Variants in ZNF276 observed in about 807,000 individuals in gnomAD.
ZNF276 encodes zinc finger protein 276.
In ZNF276, 59 loss-of-function variants were observed where a neutral mutation model predicts 63.9. The ratio of observed to expected loss-of-function variants is 0.92; its 90% CI spans 0.75 to 1.15. The LOEUF (loss-of-function observed/expected upper bound fraction) is 1.15, where lower values mean the gene tolerates loss of function less well. ZNF276 is among the 50% of genes most tolerant of loss of function. The pLI is 0.00. For missense variants in ZNF276, 1,084 were observed against 843.8 expected (o/e 1.28, Z -3.53); for synonymous variants, 496 against 348.4 (o/e 1.42, Z -4.72).
At position 89,723,120 on chromosome 16, in the gene ZNF276, A is replaced by G. The variant is rs754033973; in HGVS notation, c.510-17A>G. 6 of 1,613,202 alleles carry G rather than the reference A, an allele frequency of 3.7e-6. No homozygotes were observed. The highest frequency in any genetic ancestry group is 5.1e-6 in the Non-Finnish European group (6 of 1,180,032). ...CCGCCTGCTTGTCCTGCTCATGGCCACACTGATCCTTTGCAGGGTCGGTGC... is the reference window on the plus strand; with the variant it reads ...CCGCCTGCTTGTCCTGCTCATGGCCGCACTGATCCTTTGCAGGGTCGGTGC... On this transcript the variant is annotated splice_polypyrimidine_tract_variant and intron_variant, in intron 2 of 10. Coordinates refer to ENST00000443381, the MANE Select transcript of ZNF276 (RefSeq NM_001113525.2).
chr16:89,740,388 C>G lies in ZNF276; in HGVS notation c.*2142C>G. 2.0e-6 allele frequency: 1 copy of G among 498,196 alleles called. No homozygotes were observed. The highest frequency in any genetic ancestry group is 3.6e-6 in the Non-Finnish European group (1 of 274,924). 30.9% of individuals were successfully genotyped at this position (498,196 alleles called of 1,614,324 possible). On this transcript the variant is annotated 3_prime_UTR_variant, in exon 11 of 11. Transcript: ENST00000443381. ...GATGCAGTGGCTCATGCCTGTAATCCCAACACTTTGGGAGGCCGAGGTCGG... is the reference window on the plus strand; with the variant it reads ...GATGCAGTGGCTCATGCCTGTAATCGCAACACTTTGGGAGGCCGAGGTCGG...
At position 89,733,285 on chromosome 16, in the gene ZNF276, G is replaced by T; in HGVS notation, c.1170-17G>T. ...GGAGATCAGAAACCATTGAATTTGG[G>T]AACCTCTTTTTTTCAGAGTCTCTGG... On this transcript the variant is annotated splice_polypyrimidine_tract_variant and intron_variant, in intron 6 of 10. Coordinates refer to ENST00000443381, the MANE Select transcript of ZNF276 (RefSeq NM_001113525.2). The T allele has an allele frequency of 1.2e-6, 2 of 1,605,122 alleles. No individual in the cohort carries two copies. Among genetic ancestry groups the T allele is most frequent in the Non-Finnish European group, 1.7e-6 (2 of 1,174,848 alleles).
Position 89,722,574 on chromosome 16 carries a change from C to G in ZNF276, c.249C>G (p.His83Gln), listed in dbSNP as rs545314621. ...ALAMGHCRLC[H>Q]GKFSSRSLRS... ...CCATGGGTCACTGTCGCCTCTGCCA[C>G]GGGAAGTTTTCCTCGAGAAGCCTGC... Residue 83 changes from histidine to glutamine, a missense_variant, in exon 2 of 11, where the codon CAC becomes CAG. By Grantham distance (24) the His-to-Gln change is conservative. Transcript: ENST00000443381. 2 of 1,612,408 alleles carry G rather than the reference C, an allele frequency of 1.2e-6. No homozygotes were observed. The highest frequency in any genetic ancestry group is 1.7e-6 in the Non-Finnish European group (2 of 1,179,974).
In ZNF276 at chr16:89,727,430, A is replaced by C. The variant is rs1351114463; in HGVS notation, c.1085+73A>C. On this transcript the variant is annotated intron_variant, in intron 5 of 10. Coordinates refer to ENST00000443381, the MANE Select transcript of ZNF276 (RefSeq NM_001113525.2). ...CCATCAGTGACCTTTCTGAGGGGTG[A>C]GAGAAGAGTGGGTTTAAACAGCCTA... is the stretch of plus-strand genomic sequence containing the variant. 4.6e-6 allele frequency: 7 copies of C among 1,536,380 alleles called. 1 individual carries two copies. Among genetic ancestry groups the C allele is most frequent in the Non-Finnish European group, 6.2e-6 (7 of 1,120,934 alleles).
intron 4 of ZNF276, among the ~76,000 whole-genome samples, chr16:89,724,936 C>T (rs962961024): frequency 7.2e-5 from 11 of 152,276 alleles, no homozygotes; most frequent in South Asian, 2.1e-4. Context: ...ACCTACTTAT[C>T]TATCTATCTA....
Position 89,733,908 on chromosome 16 carries a change from G to A in ZNF276, c.1357-13G>A, listed in dbSNP as rs1174762599. On this transcript the variant is annotated splice_polypyrimidine_tract_variant and intron_variant, in intron 8 of 10. Coordinates refer to ENST00000443381, the MANE Select transcript of ZNF276 (RefSeq NM_001113525.2). ...TGCGGCTCTGAGGGTCTCTCACCGA[G>A]TCTCTCCTTCAGAAGCACATCAAGG... 3 of 1,612,846 alleles carry A rather than the reference G, an allele frequency of 1.9e-6. No individual in the cohort carries two copies. Among genetic ancestry groups the A allele is most frequent in the Non-Finnish European group, 2.5e-6 (3 of 1,179,394 alleles).
intron 8 of ZNF276, 23 bp from the exon 9 acceptor site, chr16:89,733,898 C>G: frequency 6.2e-7 from 1 of 1,610,356 alleles, no homozygotes; most frequent in Non-Finnish European, 8.5e-7. Flanking sequence ...CTCTGAGGGT[C>G]TCTCACCGAG....
At chr16:89,730,686 G>T (rs1049453659) in intron 6 of ZNF276, among the ~76,000 whole-genome samples, 1 of 152,196 alleles carries the variant, frequency 6.6e-6, no homozygotes, top group Non-Finnish European at 1.5e-5. Context: ...AGGCAGGACT[G>T]GGTGGTAGCA....
At chr16:89,727,507 G>A (rs956094836) in intron 5 of ZNF276, 150 bp downstream of exon 5, 9 of 870,002 alleles carry the variant, frequency 1.0e-5, no homozygotes, top group African/African-American at 8.4e-5. Context: ...CTGCCCATGC[G>A]CTGGTACCAA....
At chr16:89,722,443 G>T (rs534644180) in intron 1 of ZNF276, 88 bp from the exon 2 acceptor site, 1 of 1,441,426 alleles carries the variant, frequency 6.9e-7, no homozygotes, top group South Asian at 1.4e-5. Context: ...GGGCGCTGCA[G>T]GCGCTGCCCT....
intron 6 of ZNF276, among the ~76,000 whole-genome samples, chr16:89,730,812 C>T (rs1404667132): frequency 6.6e-6 from 1 of 152,202 alleles, no homozygotes; most frequent in South Asian, 2.1e-4. Context: ...CGTGTGCTGC[C>T]TCCCAGTCTT....
chr16:89,733,200 C>A, intron 6 of ZNF276, 102 bp from the exon 7 acceptor site: 2 of 1,119,770 alleles, frequency 1.8e-6, no homozygotes, highest in South Asian at 2.8e-5. Context: ...AGAAGCAACT[C>A]AGGGAAGCTT....
chr16:89,727,183 C>T, intron 4 of ZNF276, 96 bp from the exon 5 acceptor site: 1 of 1,290,922 alleles, frequency 7.7e-7, no homozygotes. Flanking sequence ...ACCCCAGTCT[C>T]CCTTCTAGTC....
At position 89,729,366 on chromosome 16, in the gene ZNF276, A is replaced by T. The variant is rs769095411; in HGVS notation, c.1169+48A>T. 1.9e-6 allele frequency: 3 copies of T among 1,541,908 alleles called. No individual in the cohort carries two copies. The East Asian group carries it at 6.7e-5, about 35-fold the overall frequency. ...GCTGGAGGCATCCGTTGGGCGACCT[A>T]GACACCCGCCTGTGCTCCAGGGCCT... On this transcript the variant is annotated intron_variant, in intron 6 of 10. Transcript: ENST00000443381.
chr16:89,735,895 G>GTCT (rs1555531345), intron 9 of ZNF276, among the ~76,000 whole-genome samples: 2 of 142,888 alleles, frequency 1.4e-5, no homozygotes, highest in East Asian at 4.2e-4. Flanking sequence ...TTTTTTGTTT[G>GTCT]TTTGTTTGTT....
chr16:89,740,636 C>CAAAA lies in ZNF276; in HGVS notation c.*2405_*2408dup, dbSNP rs371709074. ...GGGTGACAGAGTGAGACCCCCATCTCAAAAAAAAAAAAAAAAAACCCACGG... is the reference window on the plus strand; with the variant it reads ...GGGTGACAGAGTGAGACCCCCATCTCAAAAAAAAAAAAAAAAAAAAAACCCACGG... On this transcript the variant is annotated 3_prime_UTR_variant, in exon 11 of 11. Coordinates refer to ENST00000443381, the MANE Select transcript of ZNF276 (RefSeq NM_001113525.2). 4.0e-3 allele frequency: 1,817 copies of CAAAA among 458,692 alleles called. No individual in the cohort carries two copies. Among genetic ancestry groups the CAAAA allele is most frequent in the East Asian group, 0.01 (287 of 27,382 alleles). 28.4% of individuals were successfully genotyped at this position (458,692 alleles called of 1,614,324 possible).
chr16:89,727,165 G>C, intron 4 of ZNF276, 114 bp from the exon 5 acceptor site: 2 of 1,109,934 alleles, frequency 1.8e-6, no homozygotes, highest in Non-Finnish European at 1.4e-6. Context: ...AGAACTTGAG[G>C]GTCAGGGACC....
Position 89,722,839 on chromosome 16 carries a change from G to C in ZNF276, c.509+5G>C. 1.2e-6 allele frequency: 2 copies of C among 1,600,078 alleles called. No homozygotes were observed. The highest frequency in any genetic ancestry group is 1.7e-6 in the Non-Finnish European group (2 of 1,179,278). On this transcript the variant is annotated splice_donor_5th_base_variant and intron_variant, in intron 2 of 10. Transcript: ENST00000443381. ...TCGCCGGAAGCCTTGTGCAAAGTAC[G>C]CCCTAGTCTGTTCAGAGCACGTTCA... is the stretch of plus-strand genomic sequence containing the variant.
At chr16:89,735,166 T>C (rs1392209614) in intron 9 of ZNF276, among the ~76,000 whole-genome samples, 4 of 151,878 alleles carry the variant, frequency 2.6e-5, no homozygotes, top group South Asian at 2.1e-4. Context: ...TGGACCCACA[T>C]ATCCATGGTC....
Sources: gnomAD v4.1 joint callset for allele counts (sites outside exome capture counted in the v4.1 genomes callset) on GRCh38, gnomAD v4.1.1 for gene constraint, MANE v1.5 for transcripts, NCBI Gene and HGNC (gene_info 2026-07-23, HGNC 2026-07-21) for gene names.